The following CDK14 variants were observed in gnomAD, a reference collection of about 807,000 sequenced individuals.
CDK14 encodes cyclin dependent kinase 14.
Under a neutral mutation model 60.7 loss-of-function variants are expected in CDK14, and 34 were observed. The observed-to-expected ratio is 0.56, with a 90% confidence interval of 0.43 to 0.75. The LOEUF (loss-of-function observed/expected upper bound fraction) is 0.75, where lower values mean the gene tolerates loss of function less well. Ranked by LOEUF, CDK14 falls within the 30% of genes least tolerant of loss-of-function variation. The pLI is 0.00. For synonymous variants in CDK14, 197 were observed against 203.7 expected (o/e 0.97, Z 0.28); for missense variants, 482 against 564.1 (o/e 0.85, Z 1.47).
intron 14 of CDK14, among the ~76,000 whole-genome samples, chr7:91,130,357 TA>T (rs1171265763): frequency 6.6e-6 from 1 of 152,164 alleles, no homozygotes; most frequent in Non-Finnish European, 1.5e-5. Context: ...CTCACATAAA[TA>T]TTTTTAATTA....
chr7:90,782,056 A>G (rs1177303280), intron 4 of CDK14, among the ~76,000 whole-genome samples: 1 of 152,170 alleles, frequency 6.6e-6, no homozygotes, highest in African/African-American at 2.4e-5. Flanking sequence ...TGAGCATGGA[A>G]TATTCTTCCA....
At chr7:91,174,568 A>G (rs1447608231) in intron 14 of CDK14, among the ~76,000 whole-genome samples, 2 of 146,672 alleles carry the variant, frequency 1.4e-5, no homozygotes, top group Non-Finnish European at 3.0e-5. Context: ...AAAAAAATTT[A>G]GAAGAATGTA....
chr7:90,838,040 G>A (rs555026908), intron 5 of CDK14, among the ~76,000 whole-genome samples: 2 of 152,240 alleles, frequency 1.3e-5, no homozygotes, highest in African/African-American at 2.4e-5. Context: ...CTGCTGCAAC[G>A]GGTATGACGG....
chr7:91,161,049 C>T (rs1264858565), intron 14 of CDK14, among the ~76,000 whole-genome samples: 1 of 152,162 alleles, frequency 6.6e-6, no homozygotes, highest in African/African-American at 2.4e-5. Flanking sequence ...CCACATACAC[C>T]TTGGAAAGGC....
At chr7:90,645,202 T>A (rs1800437987) in intron 2 of CDK14, among the ~76,000 whole-genome samples, 1 of 152,148 alleles carries the variant, frequency 6.6e-6, no homozygotes, top group Non-Finnish European at 1.5e-5. Context: ...AGTTGGAAGG[T>A]TTTTTGCACA....
At chr7:90,963,563 A>G (rs539836728) in intron 9 of CDK14, among the ~76,000 whole-genome samples, 3 of 152,216 alleles carry the variant, frequency 2.0e-5, no homozygotes, top group East Asian at 3.9e-4. Flanking sequence ...AATAACAAAA[A>G]CGGAAAGGGA....
chr7:91,188,133 C>T (rs778944344), intron 14 of CDK14, among the ~76,000 whole-genome samples: 7 of 152,082 alleles, frequency 4.6e-5, no homozygotes, highest in Non-Finnish European at 8.8e-5. Flanking sequence ...TCTGTACCAT[C>T]GCTATCTGCC....
At chr7:91,070,187 C>G (rs1798097329) in intron 11 of CDK14, among the ~76,000 whole-genome samples, 1 of 152,178 alleles carries the variant, frequency 6.6e-6, no homozygotes. Flanking sequence ...TACATCAGAT[C>G]TCCTTGTTTG....
At chr7:90,861,799 C>A (rs1285622002) in intron 5 of CDK14, among the ~76,000 whole-genome samples, 1 of 152,096 alleles carries the variant, frequency 6.6e-6, no homozygotes, top group Non-Finnish European at 1.5e-5. Flanking sequence ...AGATTAGGAA[C>A]CAGTTCGTTC....
chr7:90,627,526 A>G (rs893144639), intron 2 of CDK14, among the ~76,000 whole-genome samples: 3 of 152,086 alleles, frequency 2.0e-5, no homozygotes, highest in Non-Finnish European at 4.4e-5. Context: ...ACAGATCTTT[A>G]CTGTAACTTT....
chr7:90,966,596 C>T (rs1226991301), intron 9 of CDK14, among the ~76,000 whole-genome samples: 1 of 152,108 alleles, frequency 6.6e-6, no homozygotes. Flanking sequence ...CTCAGTGCCT[C>T]ACCCTGCTCT....
intron 12 of CDK14, among the ~76,000 whole-genome samples, chr7:91,086,170 A>G (rs1347631367): frequency 6.6e-6 from 1 of 152,150 alleles, no homozygotes; most frequent in East Asian, 1.9e-4. Context: ...GTGTCCAGAG[A>G]TCTTGCTTTT....
In CDK14 at chr7:90,917,734, C is replaced by T; in HGVS notation, c.826+10C>T. 6.2e-7 allele frequency: 1 copy of T among 1,611,754 alleles called. No individual in the cohort carries two copies. On this transcript the variant is annotated intron_variant, in intron 8 of 14. Coordinates refer to ENST00000380050, the MANE Select transcript of CDK14 (RefSeq NM_001287135.2). ...AAGCTGGCAGATTTCGGTAGGAAAG[C>T]AGTTAATTACCAGTCTATTTTGTCA...
At chr7:90,990,210 C>T (rs1584204858) in intron 10 of CDK14, among the ~76,000 whole-genome samples, 1 of 152,118 alleles carries the variant, frequency 6.6e-6, no homozygotes, top group Non-Finnish European at 1.5e-5. Flanking sequence ...CCCAGGAGTT[C>T]AAGGCTGCAG....
intron 11 of CDK14, among the ~76,000 whole-genome samples, chr7:91,047,184 T>C (rs184104548): frequency 2.6e-5 from 4 of 152,298 alleles, no homozygotes; most frequent in Admixed American, 2.6e-4. Flanking sequence ...AATTGTGGGC[T>C]CTTAAAGAAG....
intron 4 of CDK14, among the ~76,000 whole-genome samples, chr7:90,785,323 A>G (rs1225094388): frequency 1.3e-5 from 2 of 152,206 alleles, no homozygotes; most frequent in South Asian, 2.1e-4. Flanking sequence ...TAGTCTATTA[A>G]TTTGAAGTAA....
chr7:90,651,392 A>G (rs1045780974), intron 2 of CDK14, among the ~76,000 whole-genome samples: 1 of 151,812 alleles, frequency 6.6e-6, no homozygotes, highest in African/African-American at 2.4e-5. Context: ...TCCTTTGAGC[A>G]CCCAGATGCT....
intron 4 of CDK14, among the ~76,000 whole-genome samples, chr7:90,757,652 G>A (rs1373589884): frequency 2.0e-5 from 3 of 151,190 alleles, no homozygotes; most frequent in African/African-American, 4.9e-5. Context: ...GCTGGAGTGC[G>A]GTGGTGCATG....
intron 2 of CDK14, among the ~76,000 whole-genome samples, chr7:90,631,083 C>A (rs138132209): frequency 2.0e-5 from 3 of 151,844 alleles, no homozygotes; most frequent in Non-Finnish European, 4.4e-5. Context: ...GGATTCAGAA[C>A]CCCCCTTCTC....
Sources: gnomAD v4.1 joint callset for allele counts (sites outside exome capture counted in the v4.1 genomes callset) on GRCh38, gnomAD v4.1.1 for gene constraint, MANE v1.5 for transcripts, NCBI Gene and HGNC (gene_info 2026-07-23, HGNC 2026-07-21) for gene names.